CSMD1: variants seen among roughly 807,000 people sequenced by gnomAD.
The protein encoded by CSMD1 is CUB and sushi domain-containing protein 1.
In CSMD1, 213 loss-of-function variants were observed where a neutral mutation model predicts 417.5. The ratio of observed to expected loss-of-function variants is 0.51; its 90% confidence interval spans 0.46 to 0.57. The LOEUF (loss-of-function observed/expected upper bound fraction) is 0.57, where lower values mean the gene tolerates loss of function less well. Ranked by LOEUF, CSMD1 falls within the 20% of genes least tolerant of loss-of-function variation. The pLI is 0.00. For missense variants in CSMD1, 6,923 were observed against 4,529.7 expected, an observed-to-expected ratio of 1.53 and a Z score of -15.17; for synonymous variants, 2,862 against 1,736.8, an observed-to-expected ratio of 1.65 and a Z score of -16.11.
At chr8:3,385,518 A>G (rs1355340474) in intron 18 of CSMD1, among the ~76,000 whole-genome samples, 1 of 151,856 alleles carries the variant, frequency 6.6e-6, no homozygotes, top group Non-Finnish European at 1.5e-5. Flanking sequence ...ATACTTTTGC[A>G]TTTGTTAGGA....
At chr8:4,574,334 C>T (rs776094103) in intron 2 of CSMD1, among the ~76,000 whole-genome samples, 1 of 152,142 alleles carries the variant, frequency 6.6e-6, no homozygotes, top group South Asian at 2.1e-4. Context: ...TAGCACCATC[C>T]CTCAACGGCG....
At chr8:3,835,559 G>T (rs1355750237) in intron 5 of CSMD1, among the ~76,000 whole-genome samples, 1 of 151,948 alleles carries the variant, frequency 6.6e-6, no homozygotes, top group Non-Finnish European at 1.5e-5. Context: ...CGCACCTCAG[G>T]GACTGTTGTG....
intron 3 of CSMD1, among the ~76,000 whole-genome samples, chr8:4,264,629 G>GCTGTCCCA (rs1390767209): frequency 1.3e-5 from 2 of 152,136 alleles, no homozygotes; most frequent in Non-Finnish European, 2.9e-5. Flanking sequence ...TTTCTCACCT[G>GCTGTCCCA]CTGTCCCACC....
chr8:3,835,488 T>C (rs1211434443), intron 5 of CSMD1, among the ~76,000 whole-genome samples: 2 of 151,902 alleles, frequency 1.3e-5, no homozygotes, highest in Non-Finnish European at 2.9e-5. Flanking sequence ...AAACACCACA[T>C]GTTCTCACTC....
intron 5 of CSMD1, among the ~76,000 whole-genome samples, chr8:3,942,596 T>C (rs578099724): frequency 3.5e-4 from 53 of 152,158 alleles, no homozygotes; most frequent in Non-Finnish European, 6.0e-4. Flanking sequence ...TAGTTTTTCC[T>C]CTAAAGGCGA....
rs190730038 is a variant in CSMD1 at position 4,389,417 on chromosome 8, C to A, written c.415+30536G>T. 3.3e-5 allele frequency among the ~76,000 whole-genome samples: 5 copies of A among 152,062 alleles called. No homozygotes were observed. The South Asian group carries it at 8.3e-4, about 25-fold the overall frequency. Reference sequence around the variant, plus strand: ...CCCAGAATTAGACCATAGAAACATACGAAAATCTCACATAAACAAAACAAA... The same window carrying A: ...CCCAGAATTAGACCATAGAAACATAAGAAAATCTCACATAAACAAAACAAA... On this transcript the variant is annotated intron_variant, in intron 3 of 69. Coordinates refer to ENST00000635120, the MANE Select transcript of CSMD1 (RefSeq NM_033225.6).
In CSMD1 at chr8:4,428,452, C is replaced by T. The variant is rs183974704; in HGVS notation, c.303-8387G>A. 3.0e-3 allele frequency among the ~76,000 whole-genome samples: 453 copies of T among 152,180 alleles called. 3 individuals are homozygous for T. The highest frequency in any genetic ancestry group is 0.01 in the African/African-American group (432 of 41,538). ...CTAATGCAATATGGAAATGGTTTTT[C>T]ACATTAATTTCTGGAGTAAAAAGGC... On this transcript the variant is annotated intron_variant, in intron 2 of 69. Coordinates refer to ENST00000635120, the MANE Select transcript of CSMD1 (RefSeq NM_033225.6).
intron 3 of CSMD1, among the ~76,000 whole-genome samples, chr8:4,243,230 G>A (rs1802505861): frequency 6.8e-6 from 1 of 147,044 alleles, no homozygotes. Context: ...AGGAGAGTCA[G>A]GAAAGGGGAG....
At chr8:4,914,686 T>C (rs1805934454) in intron 1 of CSMD1, among the ~76,000 whole-genome samples, 1 of 151,806 alleles carries the variant, frequency 6.6e-6, no homozygotes, top group Non-Finnish European at 1.5e-5. Flanking sequence ...TCCGTGAAAA[T>C]GAACTCGGAA....
chr8:3,252,366 A>G (rs1043498631), intron 26 of CSMD1, among the ~76,000 whole-genome samples: 15 of 152,196 alleles, frequency 9.9e-5, no homozygotes, highest in African/African-American at 2.9e-4. Context: ...GATTACATTT[A>G]TTGATTTGCA....
intron 5 of CSMD1, among the ~76,000 whole-genome samples, chr8:3,771,218 T>C (rs932468410): frequency 2.0e-5 from 3 of 152,034 alleles, no homozygotes; most frequent in South Asian, 2.1e-4. Context: ...GCCAGCTACT[T>C]TGGGGTTTTG....
intron 12 of CSMD1, among the ~76,000 whole-genome samples, chr8:3,467,247 C>G (rs192185334): frequency 6.6e-6 from 1 of 152,288 alleles, no homozygotes; most frequent in South Asian, 2.1e-4. Flanking sequence ...TCTCCTATTC[C>G]TGGTACCATA....
At chr8:4,977,295 T>C (rs1209906670) in intron 1 of CSMD1, among the ~76,000 whole-genome samples, 1 of 152,152 alleles carries the variant, frequency 6.6e-6, no homozygotes, top group Non-Finnish European at 1.5e-5. Context: ...CTTCCTGAAA[T>C]AAGGCAAGAA....
intron 3 of CSMD1, among the ~76,000 whole-genome samples, chr8:4,418,413 T>A (rs755005015): frequency 1.3e-5 from 2 of 152,158 alleles, no homozygotes; most frequent in Non-Finnish European, 2.9e-5. Flanking sequence ...AAATATTTGA[T>A]AGAATTATTC....
At chr8:3,785,450 G>T (rs1799406686) in intron 5 of CSMD1, among the ~76,000 whole-genome samples, 1 of 152,206 alleles carries the variant, frequency 6.6e-6, no homozygotes, top group Non-Finnish European at 1.5e-5. Context: ...GCCAAGATCA[G>T]CAATGGGCCA....
chr8:3,979,144 C>A (rs1356043560), intron 5 of CSMD1, among the ~76,000 whole-genome samples: 1 of 152,150 alleles, frequency 6.6e-6, no homozygotes, highest in Non-Finnish European at 1.5e-5. Flanking sequence ...GGCCTCAGGC[C>A]CTGATCACAT....
intron 3 of CSMD1, among the ~76,000 whole-genome samples, chr8:4,077,302 T>TAC: frequency 2.7e-5 from 2 of 73,252 alleles, no homozygotes; most frequent in Non-Finnish European, 3.7e-5. Context: ...TATGTGTATA[T>TAC]ATATATATAT....
chr8:4,185,904 C>G (rs1185234824), intron 3 of CSMD1, among the ~76,000 whole-genome samples: 1 of 152,124 alleles, frequency 6.6e-6, no homozygotes, highest in Non-Finnish European at 1.5e-5. Flanking sequence ...TGTTTGTAAA[C>G]TGTTATTACG....
chr8:4,213,171 G>A (rs911538872), intron 3 of CSMD1, among the ~76,000 whole-genome samples: 1 of 152,128 alleles, frequency 6.6e-6, no homozygotes, highest in Non-Finnish European at 1.5e-5. Context: ...ACCAAATGGG[G>A]AGAGACATAG....
Sources: allele counts gnomAD v4.1 joint callset (sites outside exome capture counted in the v4.1 genomes callset), GRCh38; gene constraint gnomAD v4.1.1; transcripts MANE v1.5; gene names NCBI Gene and HGNC (gene_info 2026-07-23, HGNC 2026-07-21).